The following RUNX1T1 variants were observed in gnomAD, a reference collection of about 807,000 sequenced individuals.
RUNX1T1 encodes protein CBFA2T1.
RUNX1T1 carries 4 observed loss-of-function variants against 62.8 expected under a neutral mutation model. That is an observed-to-expected ratio of 0.06 (90% CI 0.03 to 0.15). RUNX1T1 has a LOEUF of 0.15. Among genes scored for constraint, RUNX1T1 ranks in the 10% least tolerant of loss-of-function variants. RUNX1T1 has a pLI of 1.00. For missense variants in RUNX1T1, 508 were observed against 754.3 expected (o/e 0.67, Z 3.82); for synonymous variants, 291 against 286.0 (o/e 1.02, Z -0.18).
At chr8:92,032,810 T>A (rs1314774271) in intron 1 of RUNX1T1, among the ~76,000 whole-genome samples, 1 of 152,000 alleles carries the variant, frequency 6.6e-6, no homozygotes, top group Non-Finnish European at 1.5e-5. Flanking sequence ...AAGTCAATAA[T>A]TAAAAGTTCA....
chr8:92,062,228 A>AATTG (rs1289512415), intron 1 of RUNX1T1, among the ~76,000 whole-genome samples: 4 of 152,208 alleles, frequency 2.6e-5, no homozygotes, highest in African/African-American at 9.7e-5. Context: ...TCTGAACAGA[A>AATTG]ACAATACTTC....
At chr8:92,085,713 T>A (rs567114612) in intron 1 of RUNX1T1, among the ~76,000 whole-genome samples, 4 of 152,294 alleles carry the variant, frequency 2.6e-5, no homozygotes, top group African/African-American at 9.6e-5. Flanking sequence ...CAAAACAAGA[T>A]AAAGACCTTG....
intron 1 of RUNX1T1, among the ~76,000 whole-genome samples, chr8:92,060,553 A>ATATATGTGTG: frequency 3.1e-5 from 2 of 63,946 alleles, no homozygotes; most frequent in African/African-American, 5.8e-5. Flanking sequence ...ATATATATAT[A>ATATATGTGTG]TGTGTGTGTG....
chr8:92,036,920 C>T (rs1827525424), intron 1 of RUNX1T1, among the ~76,000 whole-genome samples: 1 of 152,182 alleles, frequency 6.6e-6, no homozygotes, highest in Admixed American at 6.5e-5. Flanking sequence ...GCTAAAGATA[C>T]TAAATAGTGA....
chr8:92,076,059 C>T lies in RUNX1T1; in HGVS notation c.-7G>A. ...TTCTTTTGACAGATATCATTCTCCACCAATCGCTCTGCTAATTTCCTCTCT... is the reference window on the plus strand; with the variant it reads ...TTCTTTTGACAGATATCATTCTCCATCAATCGCTCTGCTAATTTCCTCTCT... On this transcript the variant is annotated 5_prime_UTR_variant, in exon 2 of 12. In the 5' UTR this introduces an upstream ATG that the reference lacks. Coordinates refer to the RUNX1T1 transcript ENST00000265814. 1 of 1,609,240 alleles carries T rather than the reference C, an allele frequency of 6.2e-7. No homozygotes were observed. The highest frequency in any genetic ancestry group is 8.5e-7 in the Non-Finnish European group (1 of 1,178,808).
At chr8:92,060,610 CAGT>C (rs1186975843) in intron 1 of RUNX1T1, among the ~76,000 whole-genome samples, 4 of 141,110 alleles carry the variant, frequency 2.8e-5, no homozygotes, top group East Asian at 2.0e-4. Context: ...GTCATTTAAG[CAGT>C]AGATGATATC....
chr8:92,047,350 C>A (rs1563840996), intron 1 of RUNX1T1, among the ~76,000 whole-genome samples: 1 of 152,080 alleles, frequency 6.6e-6, no homozygotes, highest in Non-Finnish European at 1.5e-5. Flanking sequence ...ATTTCAATTA[C>A]CCAAATTTAA....
chr8:92,096,259 G>A (rs1837737016), intron 1 of RUNX1T1, among the ~76,000 whole-genome samples: 1 of 152,186 alleles, frequency 6.6e-6, no homozygotes, highest in South Asian at 2.1e-4. Flanking sequence ...GTTGGGGGAG[G>A]AGGCTCCTTA....
At chr8:91,989,910 T>G (rs1015370589) in intron 6 of RUNX1T1, among the ~76,000 whole-genome samples, 9 of 152,184 alleles carry the variant, frequency 5.9e-5, no homozygotes, top group Non-Finnish European at 1.3e-4. Context: ...AAGCACAAAT[T>G]ATATGCATAG....
intron 5 of RUNX1T1, among the ~76,000 whole-genome samples, chr8:92,000,124 GGT>G (rs1241106362): frequency 1.3e-5 from 2 of 152,018 alleles, no homozygotes; most frequent in African/African-American, 4.8e-5. Context: ...TGGCCAATAT[GGT>G]GAAACCCCGT....
chr8:92,071,169 C>G (rs919842997), intron 2 of RUNX1T1: 5 of 152,186 alleles, frequency 3.3e-5, no homozygotes. Context: ...ATGTCAAAGA[C>G]CATATTCCAA....
chr8:92,039,148 T>TG (rs1449947564), intron 1 of RUNX1T1, among the ~76,000 whole-genome samples: 1 of 151,356 alleles, frequency 6.6e-6, no homozygotes, highest in Non-Finnish European at 1.5e-5. Flanking sequence ...GTTGTTGTTT[T>TG]TTTTTTTTTT....
At chr8:92,045,952 G>A (rs1044975051) in intron 1 of RUNX1T1, among the ~76,000 whole-genome samples, 8 of 151,896 alleles carry the variant, frequency 5.3e-5, no homozygotes, top group Non-Finnish European at 8.8e-5. Context: ...ACTTTTAGAC[G>A]GTGCAGCAAC....
chr8:91,981,404 C>CTTTTTTTTTTTTT (rs67366711), intron 8 of RUNX1T1, among the ~76,000 whole-genome samples: 5 of 63,880 alleles, frequency 7.8e-5, no homozygotes, highest in African/African-American at 2.5e-4. Flanking sequence ...AGTTACTAAG[C>CTTTTTTTTTTTTT]TTTTTTTTTT....
At chr8:91,957,281 G>A (rs1271029496), downstream of RUNX1T1, 1 of 224,644 alleles carries the variant, frequency 4.5e-6, no homozygotes, top group Non-Finnish European at 8.9e-6. Flanking sequence ...GAAGTGATAT[G>A]GTTTGCAGCT....
At chr8:92,016,414 C>T (rs1398744988) in intron 2 of RUNX1T1, among the ~76,000 whole-genome samples, 9 of 152,302 alleles carry the variant, frequency 5.9e-5, no homozygotes, top group Admixed American at 3.3e-4. Context: ...CGGTGGCTCA[C>T]GCCTGTAATC....
chr8:91,993,601 T>A (rs1192942595), intron 5 of RUNX1T1, among the ~76,000 whole-genome samples: 2 of 152,178 alleles, frequency 1.3e-5, no homozygotes. Context: ...AGAGGCAATC[T>A]AATTTATACT....
At chr8:92,031,865 G>A (rs1437800738) in intron 1 of RUNX1T1, among the ~76,000 whole-genome samples, 2 of 152,008 alleles carry the variant, frequency 1.3e-5, no homozygotes, top group Non-Finnish European at 2.9e-5. Flanking sequence ...GCTGAGGCGG[G>A]CGGGTCACTT....
chr8:92,025,244 C>T (rs1367076737), intron 1 of RUNX1T1, among the ~76,000 whole-genome samples: 1 of 152,206 alleles, frequency 6.6e-6, no homozygotes, highest in Non-Finnish European at 1.5e-5. Flanking sequence ...ACCAGAGATC[C>T]TGCCTCTCTC....
Sources: gnomAD v4.1 joint callset for allele counts (sites outside exome capture counted in the v4.1 genomes callset) on GRCh38, gnomAD v4.1.1 for gene constraint, MANE v1.5 for transcripts, NCBI Gene and HGNC (gene_info 2026-07-23, HGNC 2026-07-21) for gene names.